VPS13B: variants seen among roughly 807,000 people sequenced by gnomAD.
VPS13B encodes intermembrane lipid transfer protein VPS13B.
In VPS13B, 285 loss-of-function variants were observed where a neutral mutation model predicts 426.4. The ratio of observed to expected loss-of-function variants is 0.67; its 90% CI spans 0.61 to 0.74. The LOEUF (loss-of-function observed/expected upper bound fraction) is 0.74, where lower values mean the gene tolerates loss of function less well. VPS13B is among the 30% of genes least tolerant of loss of function. The probability of loss-of-function intolerance (pLI) is 0.00; values close to 1 mark genes in which losing one functional copy is unlikely to be tolerated. For synonymous variants in VPS13B, 1,676 were observed against 1,676.4 expected, an observed-to-expected ratio of 1.00 and a Z score of 0.01; for missense variants, 4,537 against 4,782.6, an observed-to-expected ratio of 0.95 and a Z score of 1.51.
intron 31 of VPS13B, among the ~76,000 whole-genome samples, chr8:99,571,919 C>A (rs1037572421): frequency 6.6e-6 from 1 of 152,068 alleles, no homozygotes; most frequent in Admixed American, 6.6e-5. Flanking sequence ...GCTTTTTTGG[C>A]AGACACCATA....
At chr8:99,449,680 A>T (rs912688506) in intron 23 of VPS13B, among the ~76,000 whole-genome samples, 2 of 152,194 alleles carry the variant, frequency 1.3e-5, no homozygotes, top group African/African-American at 4.8e-5. Context: ...ATGGCTTAAG[A>T]CGTAAGATTG....
At chr8:99,054,215 T>G (rs1284418546) in intron 3 of VPS13B, among the ~76,000 whole-genome samples, 1 of 152,242 alleles carries the variant, frequency 6.6e-6, no homozygotes, top group Non-Finnish European at 1.5e-5. Flanking sequence ...CTGGATCATA[T>G]AGTAATTCTG....
intron 3 of VPS13B, among the ~76,000 whole-genome samples, chr8:99,046,876 C>G (rs1843267257): frequency 6.6e-6 from 1 of 152,142 alleles, no homozygotes; most frequent in South Asian, 2.1e-4. Flanking sequence ...TGGTATGAAA[C>G]CCACTTGATC....
intron 30 of VPS13B, among the ~76,000 whole-genome samples, chr8:99,541,531 ATGTTCCCCTCCCTG>A (rs940783900): frequency 2.0e-5 from 3 of 151,988 alleles, no homozygotes; most frequent in Non-Finnish European, 4.4e-5. Context: ...CCGGTGTGTG[ATGTTCCCCTCCCTG>A]TGTCCATGTG....
At chr8:99,113,594 T>C (rs1847488202) in intron 6 of VPS13B, among the ~76,000 whole-genome samples, 1 of 152,076 alleles carries the variant, frequency 6.6e-6, no homozygotes, top group South Asian at 2.1e-4. Context: ...GACGGAGTCT[T>C]GCTCTTGTTG....
At chr8:99,356,620 C>T (rs1812196310) in intron 19 of VPS13B, among the ~76,000 whole-genome samples, 2 of 152,256 alleles carry the variant, frequency 1.3e-5, no homozygotes, top group South Asian at 4.1e-4. Context: ...GCACTGCAGC[C>T]TCAGGGACAG....
chr8:99,861,344 C>T (rs546782407), intron 57 of VPS13B, among the ~76,000 whole-genome samples: 3 of 152,298 alleles, frequency 2.0e-5, no homozygotes, highest in Admixed American at 2.0e-4. Flanking sequence ...CTCTGCCACT[C>T]AGGCTGGAGT....
chr8:99,171,928 A>G (rs972161953), intron 16 of VPS13B, among the ~76,000 whole-genome samples: 3 of 152,162 alleles, frequency 2.0e-5, no homozygotes, highest in Admixed American at 6.5e-5. Flanking sequence ...GAAAGCAGAC[A>G]GTTTCCCTGG....
rs1322453236 is a variant in VPS13B at position 99,504,231 on chromosome 8, C to A, written c.4157+1281C>A. Among the ~76,000 whole-genome samples, 4 of 152,266 alleles carry A rather than the reference C, an allele frequency of 2.6e-5. No individual in the cohort carries two copies. The East Asian group carries it at 7.7e-4, about 29-fold the overall frequency. On this transcript the variant is annotated intron_variant, in intron 27 of 61. Coordinates refer to ENST00000357162, the MANE Select transcript of VPS13B (RefSeq NM_152564.5). ...ATGTGACACACCTGTTCTGCTTTGC[C>A]TTCTTCCATGAGTAAAAGCTTCCCA...
At chr8:99,417,388 A>G (rs1272606033) in intron 21 of VPS13B, among the ~76,000 whole-genome samples, 1 of 152,148 alleles carries the variant, frequency 6.6e-6, no homozygotes, top group African/African-American at 2.4e-5. Flanking sequence ...TTCTTAATGA[A>G]TCTTAGTTCT....
intron 29 of VPS13B, 145 bp from the exon 30 acceptor site, chr8:99,520,754 A>G (rs1822341822): frequency 4.8e-6 from 3 of 627,980 alleles, no homozygotes; most frequent in South Asian, 2.0e-5. Flanking sequence ...TTTATTTTAA[A>G]CATGATTTTT....
intron 8 of VPS13B, among the ~76,000 whole-genome samples, chr8:99,124,578 T>A (rs958638986): frequency 6.6e-6 from 1 of 152,038 alleles, no homozygotes; most frequent in Non-Finnish European, 1.5e-5. Flanking sequence ...AGTGGAATAA[T>A]ATTCAGCCAT....
At chr8:99,413,118 G>A (rs1426641686) in intron 21 of VPS13B, among the ~76,000 whole-genome samples, 1 of 152,124 alleles carries the variant, frequency 6.6e-6, no homozygotes, top group Non-Finnish European at 1.5e-5. Context: ...GTTTGGAATA[G>A]TTTCAGAAGG....
Position 99,821,393 on chromosome 8 carries a change from G to T in VPS13B, c.9094G>T (p.Asp3032Tyr), listed in dbSNP as rs140095832. The T allele has an allele frequency of 6.1e-4, 989 of 1,613,786 alleles. No homozygotes were observed. Among genetic ancestry groups the T allele is most frequent in the Non-Finnish European group, 7.1e-4 (834 of 1,179,874 alleles). ...VHNLTSPKWK[D>Y]GGNGEVVTLD... Reference sequence around the variant, plus strand: ...TAACCTGACATCTCCAAAGTGGAAAGATGGAGGTAATGGTGAAGTTGTGAC... The same window carrying T: ...TAACCTGACATCTCCAAAGTGGAAATATGGAGGTAATGGTGAAGTTGTGAC... Residue 3032 changes from aspartate to tyrosine, a missense_variant, in exon 50 of 62, where the codon GAT (aspartate) becomes TAT (tyrosine). Asp to Tyr is a radical substitution (Grantham distance 160). Coordinates refer to ENST00000357162, the MANE Select transcript of VPS13B (RefSeq NM_152564.5).
chr8:99,662,838 A>G (rs886088786), intron 35 of VPS13B, among the ~76,000 whole-genome samples: 1 of 152,142 alleles, frequency 6.6e-6, no homozygotes, highest in Non-Finnish European at 1.5e-5. Context: ...CTTGAGACCA[A>G]GAATTCCACA....
intron 22 of VPS13B, among the ~76,000 whole-genome samples, chr8:99,433,962 C>A (rs137951248): frequency 6.6e-6 from 1 of 151,968 alleles, no homozygotes; most frequent in Non-Finnish European, 1.5e-5. Context: ...CCCACCACCA[C>A]GCCCAGCTAA....
intron 39 of VPS13B, among the ~76,000 whole-genome samples, chr8:99,747,898 A>C (rs1810180108): frequency 6.6e-6 from 1 of 151,946 alleles, no homozygotes; most frequent in Admixed American, 6.6e-5. Flanking sequence ...CAGAGTAGGC[A>C]ACAACTGAGA....
chr8:99,393,341 A>T (rs920537363), intron 21 of VPS13B, among the ~76,000 whole-genome samples: 1 of 152,106 alleles, frequency 6.6e-6, no homozygotes, highest in African/African-American at 2.4e-5. Flanking sequence ...ATTATACTTT[A>T]TGTTTTTATA....
At chr8:99,807,034 A>G (rs1283458622) in intron 43 of VPS13B, among the ~76,000 whole-genome samples, 1 of 152,236 alleles carries the variant, frequency 6.6e-6, no homozygotes. Context: ...TGATATTTAG[A>G]TGTTTTTTAA....
Sources: allele counts gnomAD v4.1 joint callset (sites outside exome capture counted in the v4.1 genomes callset), GRCh38; gene constraint gnomAD v4.1.1; transcripts MANE v1.5; gene names NCBI Gene and HGNC (gene_info 2026-07-23, HGNC 2026-07-21).